The following MEIG1 variants were observed in gnomAD, a reference collection of about 807,000 sequenced individuals.
MEIG1 encodes the protein meiosis expressed gene 1 protein homolog.
A neutral mutation model predicts 11.3 loss-of-function variants in MEIG1; 12 were observed. The ratio of observed to expected loss-of-function variants is 1.07; its 90% CI spans 0.68 to 1.73. The LOEUF (loss-of-function observed/expected upper bound fraction) is 1.73, where lower values mean the gene tolerates loss of function less well. MEIG1 is among the 40% of genes most tolerant of loss of function. The pLI is 0.00. For missense variants in MEIG1, 119 were observed against 104.9 expected (o/e 1.13, Z -0.59); for synonymous variants, 41 against 33.2 (o/e 1.24, Z -0.81).
chr10:14,961,660 A>G (rs1450912406), intron 1 of MEIG1, among the ~76,000 whole-genome samples: 3 of 25,694 alleles, frequency 1.2e-4, no homozygotes, highest in Admixed American at 4.4e-4. Flanking sequence ...TTTTTTTTTT[A>G]GTAGAGACAG....
upstream of MEIG1, among the ~76,000 whole-genome samples, chr10:14,955,472 A>T (rs777444332): frequency 1.2e-4 from 19 of 152,054 alleles, no homozygotes; most frequent in Non-Finnish European, 5.9e-5. Flanking sequence ...TGGAGGGCTG[A>T]GGCAGGTGAT....
chr10:14,965,466 C>G (rs1843069154), intron 1 of MEIG1, among the ~76,000 whole-genome samples: 1 of 152,042 alleles, frequency 6.6e-6, no homozygotes, highest in Non-Finnish European at 1.5e-5. Context: ...GTCTCAGTAC[C>G]ACGACAGCCA....
At chr10:14,956,531 G>T (rs150580974), upstream of MEIG1, among the ~76,000 whole-genome samples, 1 of 152,098 alleles carries the variant, frequency 6.6e-6, no homozygotes, top group Non-Finnish European at 1.5e-5. Context: ...GCACTGAGCC[G>T]AGATTGGACC....
At chr10:14,983,771 T>A (rs188113198) in intron 1 of MEIG1, among the ~76,000 whole-genome samples, 2 of 151,740 alleles carry the variant, frequency 1.3e-5, no homozygotes, top group South Asian at 4.2e-4. Context: ...GGTGTGTATA[T>A]CCCCCCAGTG....
intron 2 of MEIG1, chr10:14,987,042 C>A: frequency 1.7e-6 from 1 of 595,608 alleles, no homozygotes; most frequent in Non-Finnish European, 3.0e-6. Context: ...CTGGGTAGTG[C>A]AGAGGGAGAC....
At chr10:14,970,479 T>G (rs927264202) in intron 2 of MEIG1, 8 of 152,250 alleles carry the variant, frequency 5.3e-5, no homozygotes, top group African/African-American at 1.9e-4. Context: ...TCAGATAATC[T>G]GCTCCTGGCC....
chr10:14,986,813 G>T (rs372797480), exon 2 of MEIG1: 1 of 356,944 alleles, frequency 2.8e-6, no homozygotes, highest in African/African-American at 2.2e-5. Context: ...GTTTCACCAT[G>T]TTGGCCAAGC....
At position 14,966,523 on chromosome 10, in the gene MEIG1, G is replaced by A. The variant is rs1236771508; in HGVS notation, c.55G>A (p.Glu19Lys). 3 of 1,612,910 alleles carry A rather than the reference G, an allele frequency of 1.9e-6. No homozygotes were observed. The Admixed American group carries it at 5.0e-5, about 27-fold the overall frequency. ...KSVSHAKKWS[E>K]EIENLYRFQQ... ...AGTAAGTCATGCCAAAAAATGGTCA[G>A]AAGAGATAGAAAATCTGTACAGATT... Residue 19 changes from glutamate (E) to lysine (K), a missense_variant, in exon 2 of 3, where the codon GAA (glutamate) becomes AAA (lysine). Physicochemically the swap from Glu to Lys is moderately conservative, Grantham distance 56. Coordinates refer to ENST00000407572, the MANE Select transcript of MEIG1 (RefSeq NM_001080836.3).
At chr10:14,956,356 A>C (rs1388711227), upstream of MEIG1, among the ~76,000 whole-genome samples, 1 of 152,074 alleles carries the variant, frequency 6.6e-6, no homozygotes, top group Non-Finnish European at 1.5e-5. Context: ...ACGCAGGTGG[A>C]TCACCCGAGG....
intron 1 of MEIG1, among the ~76,000 whole-genome samples, chr10:14,984,696 A>T (rs866091736): frequency 2.6e-5 from 4 of 151,948 alleles, no homozygotes; most frequent in Non-Finnish European, 5.9e-5. Flanking sequence ...GAGGGTGTAC[A>T]CTCTGTGATA....
downstream of MEIG1, among the ~76,000 whole-genome samples, chr10:14,975,172 G>T (rs761623502): frequency 6.6e-6 from 1 of 151,964 alleles, no homozygotes; most frequent in Non-Finnish European, 1.5e-5. Context: ...TATTACTCCC[G>T]GTATCACAGG....
chr10:14,974,209 A>G (rs554877402), downstream of MEIG1, among the ~76,000 whole-genome samples: 95 of 151,876 alleles, frequency 6.3e-4, no homozygotes, highest in Non-Finnish European at 1.2e-3. Flanking sequence ...GGGTCCTTCC[A>G]TACTCTTGGG....
At chr10:14,979,868 A>T (rs1843247254) in intron 1 of MEIG1, among the ~76,000 whole-genome samples, 2 of 152,056 alleles carry the variant, frequency 1.3e-5, no homozygotes, top group African/African-American at 4.8e-5. Flanking sequence ...ACACACTGTG[A>T]TACTATTCGT....
At chr10:14,983,762 G>T (rs1843288168) in intron 1 of MEIG1, among the ~76,000 whole-genome samples, 1 of 152,022 alleles carries the variant, frequency 6.6e-6, no homozygotes, top group Admixed American at 6.6e-5. Context: ...ATAGCGCAGG[G>T]TGTGTATATC....
chr10:14,954,382 G>A, the MEIG1 span: 4 of 365,896 alleles, frequency 1.1e-5, no homozygotes, highest in East Asian at 6.3e-5. Context: ...GGCCCCAGCC[G>A]ACGAGGTGAG....
intron 2 of MEIG1, chr10:14,987,541 T>C (rs183837969): frequency 1.5e-6 from 1 of 667,112 alleles, no homozygotes; most frequent in East Asian, 2.9e-5. Context: ...GGAACATCTT[T>C]ACACTTGCAG....
intron 1 of MEIG1, among the ~76,000 whole-genome samples, chr10:14,984,469 C>G (rs1057353374): frequency 5.3e-5 from 8 of 152,096 alleles, no homozygotes; most frequent in African/African-American, 1.9e-4. Context: ...TCACAGTATC[C>G]TAGCGGGACA....
intron 1 of MEIG1, among the ~76,000 whole-genome samples, chr10:14,983,546 C>T (rs1462773048): frequency 6.6e-6 from 1 of 151,844 alleles, no homozygotes; most frequent in Non-Finnish European, 1.5e-5. Flanking sequence ...GGGTGTACAT[C>T]CAGTCTGTGC....
At chr10:14,954,668 G>A (rs1432919418), upstream of MEIG1, among the ~76,000 whole-genome samples, 1 of 152,042 alleles carries the variant, frequency 6.6e-6, no homozygotes, top group Admixed American at 6.6e-5. Flanking sequence ...TGCCTTCGCT[G>A]CTGGCCTCTC....
Sources: gnomAD v4.1 joint callset for allele counts (sites outside exome capture counted in the v4.1 genomes callset) on GRCh38, gnomAD v4.1.1 for gene constraint, MANE v1.5 for transcripts, NCBI Gene and HGNC (gene_info 2026-07-23, HGNC 2026-07-21) for gene names.